Variants in GRIK2 observed in about 807,000 individuals in gnomAD.
The protein encoded by GRIK2 is glutamate receptor ionotropic, kainate 2.
Under a neutral mutation model 100.3 loss-of-function variants are expected in GRIK2, and 32 were observed. The observed-to-expected ratio is 0.32, with a 90% CI of 0.24 to 0.43. The LOEUF is 0.43. Among genes scored for constraint, GRIK2 ranks in the 20% least tolerant of loss-of-function variants. The pLI is 1.00. For synonymous variants in GRIK2, 417 were observed against 389.4 expected, an observed-to-expected ratio of 1.07 and a Z score of -0.83; for missense variants, 843 against 1,114.9, an observed-to-expected ratio of 0.76 and a Z score of 3.47.
intron 10 of GRIK2, among the ~76,000 whole-genome samples, chr6:101,839,501 T>C (rs1201108520): frequency 2.6e-5 from 4 of 152,190 alleles, no homozygotes; most frequent in Non-Finnish European, 4.4e-5. Flanking sequence ...TTTGTAAGTT[T>C]CCTGAAGGAA....
rs138460314 is a variant in GRIK2, at chr6:101,819,536, G to C, written c.1317+1053G>C. On this transcript the variant is annotated intron_variant, in intron 10 of 16. Coordinates refer to ENST00000369134, the MANE Select transcript of GRIK2 (RefSeq NM_021956.5). ...TGGCTAAGGACCTCAGTGGATACTC[G>C]CTCTCTCTGTCACATCCAAACGTCT... is the stretch of plus-strand genomic sequence containing the variant. Among the ~76,000 whole-genome samples, 179 of 152,162 alleles carry C rather than the reference G, an allele frequency of 1.2e-3. 1 individual carries two copies. The highest frequency in any genetic ancestry group is 4.0e-3 in the African/African-American group (167 of 41,522).
chr6:101,869,527 C>T (rs1294563906), intron 11 of GRIK2, among the ~76,000 whole-genome samples: 3 of 151,740 alleles, frequency 2.0e-5, no homozygotes, highest in East Asian at 1.9e-4. Context: ...TTATTTTTTA[C>T]GTATTTTATT....
intron 14 of GRIK2, among the ~76,000 whole-genome samples, chr6:101,998,736 C>A (rs1197172192): frequency 1.3e-5 from 2 of 151,092 alleles, no homozygotes; most frequent in East Asian, 3.9e-4. Flanking sequence ...AAAGATTATC[C>A]TTTCTTCACT....
chr6:101,970,680 C>G (rs1792989096), intron 14 of GRIK2, among the ~76,000 whole-genome samples: 1 of 150,870 alleles, frequency 6.6e-6, no homozygotes, highest in South Asian at 2.1e-4. Flanking sequence ...TACTCATGCC[C>G]CATCCCAATA....
At chr6:101,728,602 G>A (rs190687990) in intron 7 of GRIK2, among the ~76,000 whole-genome samples, 57 of 152,146 alleles carry the variant, frequency 3.7e-4, no homozygotes, top group African/African-American at 1.3e-3. Context: ...TAGCTGTGTA[G>A]TCTTGGTTAC....
intron 14 of GRIK2, among the ~76,000 whole-genome samples, chr6:101,974,760 A>G (rs1228858258): frequency 1.3e-5 from 2 of 152,026 alleles, no homozygotes; most frequent in African/African-American, 4.8e-5. Context: ...CATCACCTAG[A>G]TTTGTGTTTG....
chr6:102,050,704 AAAAAAG>A (rs375670253), intron 15 of GRIK2, among the ~76,000 whole-genome samples: 25 of 151,274 alleles, frequency 1.7e-4, no homozygotes, highest in East Asian at 9.7e-4. Flanking sequence ...AGGAAAGGCA[AAAAAAG>A]AAAAAGAAAA....
chr6:102,069,743 T>C lies in GRIK2; in HGVS notation c.*1232T>C, dbSNP rs886877959. 6.6e-6 allele frequency: 1 copy of C among 152,032 alleles called. No individual in the cohort carries two copies. Among genetic ancestry groups the C allele is most frequent in the African/African-American group, 2.4e-5 (1 of 41,432 alleles). The allele number at this position is 152,032 out of a possible 1,614,324, so 9.4% of individuals were successfully genotyped here. A position where few individuals can be genotyped will look rare whatever the true frequency, so the allele number is the denominator to read the frequency against. ...TTTATCAACAAAACAAGAACATGTGTTCCTGTCAGGGGTGTGATGTCAAGC... is the reference window on the plus strand; with the variant it reads ...TTTATCAACAAAACAAGAACATGTGCTCCTGTCAGGGGTGTGATGTCAAGC... On this transcript the variant is annotated 3_prime_UTR_variant, in exon 17 of 17. Transcript: ENST00000369134.
intron 14 of GRIK2, among the ~76,000 whole-genome samples, chr6:101,994,135 C>G (rs1794530562): frequency 6.6e-6 from 1 of 150,506 alleles, no homozygotes; most frequent in Admixed American, 6.7e-5. Context: ...TCTGTCCATT[C>G]ATAATGCCAC....
At chr6:101,852,020 TACTG>T (rs1554274583) in intron 10 of GRIK2, among the ~76,000 whole-genome samples, 1 of 151,506 alleles carries the variant, frequency 6.6e-6, no homozygotes, top group Non-Finnish European at 1.5e-5. Context: ...GATATAATAT[TACTG>T]ACCTCATGTA....
At chr6:101,804,438 G>A (rs1266221772) in intron 9 of GRIK2, among the ~76,000 whole-genome samples, 1 of 151,970 alleles carries the variant, frequency 6.6e-6, no homozygotes, top group Non-Finnish European at 1.5e-5. Flanking sequence ...AATAATTTTA[G>A]TATGAGGCCA....
At chr6:101,826,449 A>G (rs889303212) in intron 10 of GRIK2, among the ~76,000 whole-genome samples, 1 of 152,032 alleles carries the variant, frequency 6.6e-6, no homozygotes, top group Non-Finnish European at 1.5e-5. Context: ...GGATGGTGGG[A>G]AAGGAGATGA....
At chr6:101,755,323 C>A in intron 7 of GRIK2, among the ~76,000 whole-genome samples, 1 of 152,000 alleles carries the variant, frequency 6.6e-6, no homozygotes, top group Middle Eastern at 3.4e-3. Context: ...CCCGCCACCA[C>A]GCCCAGCTGA....
intron 2 of GRIK2, among the ~76,000 whole-genome samples, chr6:101,479,464 C>T (rs926642146): frequency 6.6e-6 from 1 of 151,970 alleles, no homozygotes; most frequent in Non-Finnish European, 1.5e-5. Flanking sequence ...ATAAATAGTC[C>T]TACATACCAA....
rs573947432 is a variant in GRIK2 at position 101,839,640 on chromosome 6, T to C, written c.1318-19647T>C. On this transcript the variant is annotated intron_variant, in intron 10 of 16. Transcript: ENST00000369134. Reference sequence around the variant, plus strand: ...TTGTTGTTCACTGGACAAGATTTGGTGAGAACAGCCAAAAAATATTGCAAG... The same window carrying C: ...TTGTTGTTCACTGGACAAGATTTGGCGAGAACAGCCAAAAAATATTGCAAG... Among the ~76,000 whole-genome samples the C allele has an allele frequency of 3.9e-5, 6 of 152,174 alleles. No individual in the cohort carries two copies. The South Asian group carries it at 1.2e-3, about 32-fold the overall frequency.
At chr6:101,727,875 T>C (rs1159391963) in intron 7 of GRIK2, among the ~76,000 whole-genome samples, 1 of 152,074 alleles carries the variant, frequency 6.6e-6, no homozygotes, top group African/African-American at 2.4e-5. Flanking sequence ...AAGCAATGTG[T>C]ATGTATGCAT....
At chr6:101,511,221 C>T (rs186093868) in intron 2 of GRIK2, among the ~76,000 whole-genome samples, 2 of 152,174 alleles carry the variant, frequency 1.3e-5, no homozygotes, top group Admixed American at 1.3e-4. Context: ...TTAATTTGAC[C>T]ATAGATCTCA....
intron 10 of GRIK2, among the ~76,000 whole-genome samples, chr6:101,831,883 T>C (rs1182153297): frequency 2.6e-5 from 4 of 152,110 alleles, no homozygotes; most frequent in African/African-American, 9.7e-5. Flanking sequence ...TTTATAAAAC[T>C]TAAAAAATTT....
chr6:101,484,564 C>CACACACAT (rs1351776217), intron 2 of GRIK2, among the ~76,000 whole-genome samples: 12 of 151,652 alleles, frequency 7.9e-5, no homozygotes, highest in African/African-American at 2.9e-4. Context: ...CACACACACA[C>CACACACAT]ACACATATAT....
Sources: allele counts gnomAD v4.1 joint callset (sites outside exome capture counted in the v4.1 genomes callset), GRCh38; gene constraint gnomAD v4.1.1; transcripts MANE v1.5; gene names NCBI Gene and HGNC (gene_info 2026-07-23, HGNC 2026-07-21).